The following TSHZ3 variants were observed in gnomAD, a reference collection of about 807,000 sequenced individuals.
TSHZ3 encodes teashirt zinc finger homeobox 3.
In TSHZ3, 10 loss-of-function variants were observed where a neutral mutation model predicts 64.5. That is an observed-to-expected ratio of 0.16 (90% CI 0.10 to 0.26). TSHZ3 has a LOEUF of 0.26. Among genes scored for constraint, TSHZ3 ranks in the 10% least tolerant of loss-of-function variants. The pLI is 1.00. For synonymous variants in TSHZ3, 608 were observed against 593.1 expected (o/e 1.03, Z -0.36); for missense variants, 1,242 against 1,421.7 (o/e 0.87, Z 2.03).
chr19:31,215,858 G>A lies in TSHZ3; in HGVS notation n.687-10780C>T, dbSNP rs932594937. ...TGCACTCCAGCCTTGGCGACAAAGC[G>A]AGACTCTGTCTCAAAAAAAAAGGTA... On this transcript the variant is annotated intron_variant and non_coding_transcript_variant, in intron 4 of 6. Coordinates refer to the TSHZ3 transcript ENST00000651361. Among the ~76,000 whole-genome samples the A allele has an allele frequency of 4.6e-5, 7 of 151,926 alleles. No homozygotes were observed. In the South Asian group the frequency reaches 6.2e-4, roughly 14 times the overall value.
At chr19:31,176,482 C>T (rs1599561654) in intron 5 of TSHZ3, among the ~76,000 whole-genome samples, 1 of 152,298 alleles carries the variant, frequency 6.6e-6, no homozygotes, top group East Asian at 1.9e-4. Flanking sequence ...TCTCACTAAT[C>T]ATCAGAGAAG....
chr19:31,329,320 C>G (rs1396937755), intron 1 of TSHZ3, among the ~76,000 whole-genome samples: 1 of 152,218 alleles, frequency 6.6e-6, no homozygotes, highest in Non-Finnish European at 1.5e-5. Flanking sequence ...ATGAAGGTGT[C>G]ACGCTGCCTT....
intron 1 of TSHZ3, among the ~76,000 whole-genome samples, chr19:31,291,833 T>C (rs1976571097): frequency 6.6e-6 from 1 of 152,140 alleles, no homozygotes; most frequent in Non-Finnish European, 1.5e-5. Flanking sequence ...CCTTAATCCA[T>C]TTAAGCTACA....
At chr19:31,166,916 G>A (rs1974460781) in intron 5 of TSHZ3, among the ~76,000 whole-genome samples, 1 of 152,192 alleles carries the variant, frequency 6.6e-6, no homozygotes, top group African/African-American at 2.4e-5. Flanking sequence ...GTACAAGGAA[G>A]CATGGCACAT....
intron 1 of TSHZ3, among the ~76,000 whole-genome samples, chr19:31,258,026 G>A (rs1462723691): frequency 6.6e-6 from 1 of 152,200 alleles, no homozygotes; most frequent in East Asian, 1.9e-4. Context: ...AGTTAAGGGG[G>A]TGAGACTGGG....
chr19:31,280,471 C>A (rs1050875591), intron 1 of TSHZ3, among the ~76,000 whole-genome samples: 10 of 152,090 alleles, frequency 6.6e-5, no homozygotes, highest in Non-Finnish European at 1.2e-4. Flanking sequence ...CAGCCCCCAG[C>A]CCTGTCCCCC....
At chr19:31,206,280 G>A (rs1432068199) in intron 4 of TSHZ3, among the ~76,000 whole-genome samples, 1 of 151,604 alleles carries the variant, frequency 6.6e-6, no homozygotes, top group Non-Finnish European at 1.5e-5. Context: ...TGGATACGTA[G>A]ATGGATGGAT....
rs773136339 is a variant in TSHZ3, at chr19:31,278,842, G to T, written c.951C>A (p.Ile317=). 4 of 1,614,164 alleles carry T rather than the reference G, an allele frequency of 2.5e-6. No homozygotes were observed. The Admixed American group carries it at 5.0e-5, about 20-fold the overall frequency. Residue 317 remains isoleucine, a synonymous_variant, in exon 2 of 2, where the codon ATC becomes ATA. Transcript: ENST00000240587. This position sits in a 1 kb window ranked among gnomAD's most constrained non-coding sequence, Gnocchi z 4.7. ...GGGAAGCTTTCTTCCGAGTGGCAGG[G>T]ATGATTTTGGCGGCGACAGGAGTGA... is the stretch of plus-strand genomic sequence containing the variant. ...EPVTPVAAKI[I]PATRKKASLE...
rs184205139 is a variant in TSHZ3 at position 31,284,648 on chromosome 19, C to T, written c.41-4896G>A. On this transcript the variant is annotated intron_variant, in intron 1 of 1. Transcript: ENST00000240587. ...TGAAGTGGAGAATGCGGGAACCCAC[C>T]CTTCCCCGGGCCTCAGGGAAAAGGC... 3.3e-5 allele frequency among the ~76,000 whole-genome samples: 5 copies of T among 152,226 alleles called. 1 individual carries two copies. In the East Asian group the frequency reaches 7.8e-4, roughly 24 times the overall value.
chr19:31,226,814 T>C (rs1329763560), intron 4 of TSHZ3, among the ~76,000 whole-genome samples: 1 of 152,068 alleles, frequency 6.6e-6, no homozygotes, highest in Non-Finnish European at 1.5e-5. Context: ...CTCAAAAACA[T>C]CTTAGACAAT....
chr19:31,285,044 T>C (rs1185235023), intron 1 of TSHZ3, among the ~76,000 whole-genome samples: 1 of 152,110 alleles, frequency 6.6e-6, no homozygotes, highest in Non-Finnish European at 1.5e-5. Flanking sequence ...CATTCAGCAA[T>C]GCCACTTCGT....
intron 1 of TSHZ3, among the ~76,000 whole-genome samples, chr19:31,348,588 CAG>C (rs1268330019): frequency 2.0e-5 from 3 of 151,958 alleles, no homozygotes; most frequent in Non-Finnish European, 4.4e-5. Flanking sequence ...GAAACACAAA[CAG>C]GGGAGAAGGA....
chr19:31,306,975 T>C lies in TSHZ3; in HGVS notation c.41-27223A>G, dbSNP rs1024272033. 4.6e-5 allele frequency among the ~76,000 whole-genome samples: 7 copies of C among 152,276 alleles called. No homozygotes were observed. The East Asian group carries it at 1.2e-3, about 25-fold the overall frequency. Reference sequence around the variant, plus strand: ...GTTCTCTCCTGCAGACTTGGAGTCCTCCTTTCTAAATATTTCTTTGACTAT... The same window carrying C: ...GTTCTCTCCTGCAGACTTGGAGTCCCCCTTTCTAAATATTTCTTTGACTAT... On this transcript the variant is annotated intron_variant, in intron 1 of 1. Coordinates refer to ENST00000240587, the MANE Select transcript of TSHZ3 (RefSeq NM_020856.4).
chr19:31,322,658 G>A (rs533978397), intron 1 of TSHZ3, among the ~76,000 whole-genome samples: 6 of 150,420 alleles, frequency 4.0e-5, no homozygotes, highest in East Asian at 2.0e-4. Context: ...AGCCTCAAGC[G>A]ATCCTCCTGC....
chr19:31,328,694 T>G (rs1051862336), intron 1 of TSHZ3, among the ~76,000 whole-genome samples: 2 of 152,224 alleles, frequency 1.3e-5, no homozygotes, highest in Non-Finnish European at 2.9e-5. Context: ...TGTGAGGTGT[T>G]TTCTTCTTTA....
intron 1 of TSHZ3, among the ~76,000 whole-genome samples, chr19:31,330,198 C>T (rs1402869452): frequency 2.0e-5 from 3 of 151,878 alleles, no homozygotes; most frequent in African/African-American, 4.8e-5. Flanking sequence ...CTCTGCCTTC[C>T]GTGATACTTT....
intron 5 of TSHZ3, among the ~76,000 whole-genome samples, chr19:31,184,678 A>G (rs1455868021): frequency 3.3e-5 from 5 of 152,254 alleles, no homozygotes; most frequent in Non-Finnish European, 7.3e-5. Flanking sequence ...CAGAATTAAC[A>G]GGAGCACTTT....
At chr19:31,350,794 G>A (rs2021699217), upstream of TSHZ3, among the ~76,000 whole-genome samples, 1 of 148,144 alleles carries the variant, frequency 6.8e-6, no homozygotes, top group African/African-American at 2.4e-5. Context: ...AGCGGGAGCC[G>A]GAGCCCGAGC....
At chr19:31,160,142 C>T (rs952601142) in intron 5 of TSHZ3, among the ~76,000 whole-genome samples, 1 of 152,136 alleles carries the variant, frequency 6.6e-6, no homozygotes, top group South Asian at 2.1e-4. Flanking sequence ...GAGACAGGTA[C>T]TGTTGTTCTT....
Sources: gnomAD v4.1 joint callset for allele counts (sites outside exome capture counted in the v4.1 genomes callset) on GRCh38, gnomAD v4.1.1 for gene constraint, Gnocchi (gnomAD v3.1) non-coding constraint, MANE v1.5 for transcripts, NCBI Gene and HGNC (gene_info 2026-07-23, HGNC 2026-07-21) for gene names.